The following CCNJL variants were observed in gnomAD, a reference collection of about 807,000 sequenced individuals.
CCNJL encodes the protein cyclin-J-like protein.
CCNJL carries 33 observed loss-of-function variants against 33.4 expected under a neutral mutation model. The observed-to-expected ratio is 0.99, with a 90% CI of 0.75 to 1.32. The LOEUF (loss-of-function observed/expected upper bound fraction) is 1.32. CCNJL is among the 40% of genes most tolerant of loss of function. CCNJL has a pLI of 0.00. For missense variants in CCNJL, 512 were observed against 499.7 expected (o/e 1.02, Z -0.23); for synonymous variants, 227 against 220.9 (o/e 1.03, Z -0.24).
chr5:160,290,079 C>T (rs1762533295), intron 2 of CCNJL, among the ~76,000 whole-genome samples: 1 of 152,166 alleles, frequency 6.6e-6, no homozygotes, highest in Admixed American at 6.5e-5. Flanking sequence ...TAGAAGGTGA[C>T]TTGTACTATG....
chr5:160,260,630 A>G (rs1175350836), intron 3 of CCNJL, among the ~76,000 whole-genome samples: 3 of 152,108 alleles, frequency 2.0e-5, no homozygotes, highest in Non-Finnish European at 4.4e-5. Context: ...GTGGGGGGGC[A>G]TGACAGCTTC....
At chr5:160,278,639 A>T (rs1003511642) in intron 3 of CCNJL, among the ~76,000 whole-genome samples, 2 of 152,198 alleles carry the variant, frequency 1.3e-5, no homozygotes, top group Non-Finnish European at 2.9e-5. Flanking sequence ...TCTCTCCGCC[A>T]AGGTGGCAGC....
intron 1 of CCNJL, among the ~76,000 whole-genome samples, chr5:160,321,010 CTCTCTTTCTTTCTT>C (rs1290298295): frequency 0.028 from 2,433 of 87,020 alleles, 26 homozygotes; most frequent in Middle Eastern, 0.054. Context: ...CTCTCTCTCT[CTCTCTTTCTTTCTT>C]TCTTTCTTTC....
At chr5:160,277,687 G>C (rs115629288) in intron 3 of CCNJL, among the ~76,000 whole-genome samples, 7 of 151,982 alleles carry the variant, frequency 4.6e-5, no homozygotes, top group African/African-American at 1.7e-4. Flanking sequence ...CCTGTTGGAC[G>C]GGGCAGAAGG....
intron 2 of CCNJL, 67 bp from the exon 3 acceptor site, chr5:160,280,805 G>T (rs560313062): frequency 9.3e-7 from 1 of 1,072,370 alleles, no homozygotes; most frequent in East Asian, 2.6e-5. Context: ...GCTGTCCCAG[G>T]AAATGGGACC....
intron 3 of CCNJL, among the ~76,000 whole-genome samples, chr5:160,279,798 C>T (rs1762144850): frequency 6.6e-6 from 1 of 152,178 alleles, no homozygotes; most frequent in Admixed American, 6.5e-5. Flanking sequence ...GGCAGGAACT[C>T]AAGGGTTGGT....
chr5:160,287,850 G>C (rs547286469), intron 2 of CCNJL, among the ~76,000 whole-genome samples: 2 of 152,284 alleles, frequency 1.3e-5, no homozygotes, highest in African/African-American at 4.8e-5. Context: ...GGCCACAGGC[G>C]GTGAGAGTGT....
At chr5:160,315,587 TCCCA>T (rs1763372621), upstream of CCNJL, 1 of 97,448 alleles carries the variant, frequency 1.0e-5, no homozygotes, top group Non-Finnish European at 3.0e-5. Flanking sequence ...TAGAGTACGA[TCCCA>T]GTTAAACTAC....
At chr5:160,327,039 A>G in intron 1 of CCNJL, 1 of 415,898 alleles carries the variant, frequency 2.4e-6, no homozygotes, top group South Asian at 2.1e-5. Flanking sequence ...TTTTTGTCCA[A>G]TATGAACATT....
chr5:160,335,175 A>G (rs914054963), intron 1 of CCNJL, among the ~76,000 whole-genome samples: 2 of 152,222 alleles, frequency 1.3e-5, no homozygotes, highest in African/African-American at 4.8e-5. Context: ...AGGCAGGAGA[A>G]TCACTTGAAC....
At chr5:160,315,777 CAT>C (rs1763374200), upstream of CCNJL, among the ~76,000 whole-genome samples, 1 of 152,160 alleles carries the variant, frequency 6.6e-6, no homozygotes, top group Admixed American at 6.5e-5. Context: ...AAAATAATCA[CAT>C]GACATATCAA....
chr5:160,335,754 T>TC (rs1002108728), intron 1 of CCNJL, among the ~76,000 whole-genome samples: 1 of 151,656 alleles, frequency 6.6e-6, no homozygotes, highest in Non-Finnish European at 1.5e-5. Context: ...TTGAAATTTT[T>TC]TTTTTTTTTT....
rs1581009838 is a variant in CCNJL, at chr5:160,306,950, G to A, written c.66+4908C>T. 2.0e-5 allele frequency among the ~76,000 whole-genome samples: 3 copies of A among 152,232 alleles called. No homozygotes were observed. The East Asian group carries it at 5.8e-4, about 29-fold the overall frequency. ...ACTTCCTGCCCCATGTTACCTGACAGGAGAACATGCAGGTCTGTAGGAAGC... is the reference window on the plus strand; with the variant it reads ...ACTTCCTGCCCCATGTTACCTGACAAGAGAACATGCAGGTCTGTAGGAAGC... On this transcript the variant is annotated intron_variant, in intron 2 of 5. Transcript: ENST00000257536.
At chr5:160,335,011 C>T (rs181804703) in intron 1 of CCNJL, among the ~76,000 whole-genome samples, 1 of 152,306 alleles carries the variant, frequency 6.6e-6, no homozygotes, top group East Asian at 1.9e-4. Flanking sequence ...GCCTCTAATC[C>T]CAGTACTTTG....
At chr5:160,283,477 T>G (rs1762308321) in intron 2 of CCNJL, among the ~76,000 whole-genome samples, 1 of 152,204 alleles carries the variant, frequency 6.6e-6, no homozygotes, top group Non-Finnish European at 1.5e-5. Flanking sequence ...ATATTTTAAT[T>G]TTTTTACTTT....
At chr5:160,318,167 C>T (rs983324625) in intron 1 of CCNJL, among the ~76,000 whole-genome samples, 1 of 152,182 alleles carries the variant, frequency 6.6e-6, no homozygotes, top group African/African-American at 2.4e-5. Flanking sequence ...CAGGCACGCA[C>T]CACCATGCCT....
chr5:160,270,138 T>C (rs911387807), intron 3 of CCNJL, among the ~76,000 whole-genome samples: 20 of 150,168 alleles, frequency 1.3e-4, no homozygotes, highest in African/African-American at 4.2e-4. Flanking sequence ...TGGCAAAACC[T>C]TGTCTCTACC....
At chr5:160,291,036 TAAAAAAAA>T (rs1177369719) in intron 2 of CCNJL, among the ~76,000 whole-genome samples, 20 of 57,540 alleles carry the variant, frequency 3.5e-4, no homozygotes, top group East Asian at 1.4e-3. Context: ...CGTCTTTACT[TAAAAAAAA>T]AAAAAAAAAA....
upstream of CCNJL, chr5:160,315,519 C>CAA (rs1388872601): frequency 6.2e-6 from 2 of 323,654 alleles, no homozygotes; most frequent in African/African-American, 4.3e-5. Flanking sequence ...AAAACAAAAA[C>CAA]AAAAACAAGA....
Sources: allele counts gnomAD v4.1 joint callset (sites outside exome capture counted in the v4.1 genomes callset), GRCh38; gene constraint gnomAD v4.1.1; transcripts MANE v1.5; gene names NCBI Gene and HGNC (gene_info 2026-07-23, HGNC 2026-07-21).